PGS1: variants seen among roughly 807,000 people sequenced by gnomAD.
The protein encoded by PGS1 is phosphatidylglycerophosphate synthase 1, also known as CDP-diacylglycerol--glycerol-3-phosphate 3-phosphatidyltransferase, mitochondrial.
In PGS1, 44 loss-of-function variants were observed where a neutral mutation model predicts 58.3. The ratio of observed to expected loss-of-function variants is 0.75; its 90% CI spans 0.59 to 0.97. PGS1 has a LOEUF of 0.97. Among genes scored for constraint, PGS1 ranks in the 50% least tolerant of loss-of-function variants. The pLI is 0.00. For synonymous variants in PGS1, 330 were observed against 311.0 expected, an observed-to-expected ratio of 1.06 and a Z score of -0.64; for missense variants, 684 against 731.1, an observed-to-expected ratio of 0.94 and a Z score of 0.74.
chr17:78,398,147 T>G lies in PGS1; in HGVS notation c.412-105T>G, dbSNP rs559638656. The G allele has an allele frequency of 2.4e-5, 20 of 833,888 alleles. No homozygotes were observed. The African/African-American group carries it at 3.3e-4, about 14-fold the overall frequency. The allele number at this position is 833,888 out of a possible 1,614,324, so 51.7% of individuals were successfully genotyped here. On this transcript the variant is annotated intron_variant, in intron 3 of 9. Coordinates refer to ENST00000262764, the MANE Select transcript of PGS1 (RefSeq NM_024419.5). ...GAGTGCTGATGGCACAAACCTATCT[T>G]TGGAGAAGATGACGAGGGCACTAGC...
Position 78,396,291 on chromosome 17 carries a change from T to C in PGS1, c.334-17T>C. ...GAAAATGATGAATTTGAATTTTGAATTTTTCTCCTCTCTCAGGGGCAGATA... is the reference window on the plus strand; with the variant it reads ...GAAAATGATGAATTTGAATTTTGAACTTTTCTCCTCTCTCAGGGGCAGATA... On this transcript the variant is annotated splice_polypyrimidine_tract_variant and intron_variant, in intron 2 of 9. Coordinates refer to ENST00000262764, the MANE Select transcript of PGS1 (RefSeq NM_024419.5). The C allele has an allele frequency of 1.9e-6, 3 of 1,604,400 alleles. No individual in the cohort carries two copies. The highest frequency in any genetic ancestry group is 2.6e-6 in the Non-Finnish European group (3 of 1,171,184).
At position 78,424,229 on chromosome 17, in the gene PGS1, C is replaced by G; in HGVS notation, c.*179C>G. The G allele has an allele frequency of 6.6e-7, 1 of 1,517,330 alleles. No individual in the cohort carries two copies. The highest frequency in any genetic ancestry group is 8.8e-7 in the Non-Finnish European group (1 of 1,131,590). 94.0% of individuals were successfully genotyped at this position (1,517,330 alleles called of 1,614,324 possible). A position where few individuals can be genotyped will look rare whatever the true frequency, so the allele number is the denominator to read the frequency against. ...AGGGGCTGGCAGGAAGGGTGGGGTC[C>G]TCACACTCCCCGCCCTCTGCAGAGC... On this transcript the variant is annotated 3_prime_UTR_variant, in exon 10 of 10. Coordinates refer to ENST00000262764, the MANE Select transcript of PGS1 (RefSeq NM_024419.5).
intron 1 of PGS1, among the ~76,000 whole-genome samples, chr17:78,388,538 G>T (rs942645951): frequency 6.6e-6 from 1 of 151,890 alleles, no homozygotes; most frequent in African/African-American, 2.4e-5. Context: ...TAGAGACAGG[G>T]TCTTGCTATG....
intron 2 of PGS1, among the ~76,000 whole-genome samples, chr17:78,394,152 A>G (rs1198864448): frequency 7.6e-6 from 1 of 131,692 alleles, no homozygotes; most frequent in Non-Finnish European, 1.6e-5. Flanking sequence ...AGCCTGGGCA[A>G]CAGAGCGAGA....
chr17:78,416,556 C>T (rs936941083), intron 8 of PGS1, among the ~76,000 whole-genome samples: 5 of 152,010 alleles, frequency 3.3e-5, no homozygotes, highest in African/African-American at 1.2e-4. Flanking sequence ...AGTAAGGGCA[C>T]TGAACCCACA....
intron 6 of PGS1, among the ~76,000 whole-genome samples, chr17:78,401,155 G>A (rs1598316428): frequency 6.6e-6 from 1 of 152,118 alleles, no homozygotes; most frequent in African/African-American, 2.4e-5. Context: ...CTCAGGCAAG[G>A]GTATGCAGCA....
At chr17:78,391,722 C>A (rs1440245183) in intron 1 of PGS1, among the ~76,000 whole-genome samples, 1 of 152,166 alleles carries the variant, frequency 6.6e-6, no homozygotes, top group Non-Finnish European at 1.5e-5. Flanking sequence ...AGGTTGTCTA[C>A]CTGCCTCGGC....
At chr17:78,406,480 A>G (rs1417490196) in intron 7 of PGS1, among the ~76,000 whole-genome samples, 1 of 152,218 alleles carries the variant, frequency 6.6e-6, no homozygotes, top group African/African-American at 2.4e-5. Flanking sequence ...AGCTTCTGGC[A>G]TGTCCAGGGC....
intron 7 of PGS1, among the ~76,000 whole-genome samples, chr17:78,407,677 A>G (rs539371746): frequency 6.6e-6 from 1 of 152,376 alleles, no homozygotes; most frequent in African/African-American, 2.4e-5. Context: ...GGGCAGAGAC[A>G]GGTAGCCAGG....
At chr17:78,396,463 T>TCCACACCAACTGCA in intron 3 of PGS1, 78 bp downstream of exon 3, 1 of 1,050,438 alleles carries the variant, frequency 9.5e-7, no homozygotes, top group Non-Finnish European at 1.4e-6. Context: ...TGCCATGCAG[T>TCCACACCAACTGCA]TGGTGTGGAG....
chr17:78,399,056 G>A (rs2083455142), intron 4 of PGS1, among the ~76,000 whole-genome samples: 1 of 152,210 alleles, frequency 6.6e-6, no homozygotes, highest in African/African-American at 2.4e-5. Context: ...CGAGTGGGTG[G>A]GGTAGTGCCC....
chr17:78,416,463 C>A (rs556207200), intron 8 of PGS1, among the ~76,000 whole-genome samples: 1 of 152,152 alleles, frequency 6.6e-6, no homozygotes, highest in East Asian at 1.9e-4. Flanking sequence ...ATGGGTTCTG[C>A]GTGGATCTGA....
Position 78,392,685 on chromosome 17 carries a change from A to G in PGS1, c.333+20A>G. On this transcript the variant is annotated intron_variant, in intron 2 of 9. Coordinates refer to ENST00000262764, the MANE Select transcript of PGS1 (RefSeq NM_024419.5). The stretch of plus-strand genomic sequence containing the variant: ...ATGAAGGTAAGTGGTATCTAAAGGA[A>G]AGAAGTTTGAGTTAGAGCTTTTGGG... 1 of 1,607,984 alleles carries G rather than the reference A, an allele frequency of 6.2e-7. No individual in the cohort carries two copies. The highest frequency in any genetic ancestry group is 2.2e-5 in the East Asian group (1 of 44,800).
intron 8 of PGS1, among the ~76,000 whole-genome samples, chr17:78,417,999 G>A (rs1157964616): frequency 1.3e-5 from 2 of 149,426 alleles, no homozygotes; most frequent in East Asian, 2.0e-4. Flanking sequence ...GCACGATCTC[G>A]GCTCACTGTA....
intron 2 of PGS1, among the ~76,000 whole-genome samples, chr17:78,394,066 G>A (rs2083029870): frequency 6.7e-6 from 1 of 149,148 alleles, no homozygotes; most frequent in Admixed American, 6.9e-5. Context: ...TAGCTAGTCA[G>A]GAGGCTGAGG....
At chr17:78,415,091 C>T (rs781000597) in intron 8 of PGS1, 64 bp downstream of exon 8, 34 of 1,582,662 alleles carry the variant, frequency 2.1e-5, no homozygotes, top group Non-Finnish European at 2.7e-5. Context: ...CAGGCTCACC[C>T]GTGCTGTGGG....
chr17:78,411,581 C>T (rs937196168), intron 7 of PGS1, among the ~76,000 whole-genome samples: 1 of 152,222 alleles, frequency 6.6e-6, no homozygotes, highest in Non-Finnish European at 1.5e-5. Context: ...AGTCCCTTCC[C>T]AAAAGCACTT....
intron 7 of PGS1, among the ~76,000 whole-genome samples, chr17:78,408,952 G>A (rs148243749): frequency 1.3e-5 from 2 of 152,208 alleles, no homozygotes; most frequent in Non-Finnish European, 2.9e-5. Flanking sequence ...GGTCCTGATC[G>A]GGGGTGGGGT....
chr17:78,417,825 G>A (rs1228579547), intron 8 of PGS1, among the ~76,000 whole-genome samples: 1 of 151,706 alleles, frequency 6.6e-6, no homozygotes, highest in Non-Finnish European at 1.5e-5. Flanking sequence ...GCGCTGCCAG[G>A]CGCCCCACTG....
Sources: gnomAD v4.1 joint callset for allele counts (sites outside exome capture counted in the v4.1 genomes callset) on GRCh38, gnomAD v4.1.1 for gene constraint, MANE v1.5 for transcripts, NCBI Gene and HGNC (gene_info 2026-07-23, HGNC 2026-07-21) for gene names.